The following MYH11 variants were observed in gnomAD, a reference collection of about 807,000 sequenced individuals.
MYH11 encodes the protein myosin-11.
MYH11 carries 80 observed loss-of-function variants against 246.6 expected under a neutral mutation model. That is an observed-to-expected ratio of 0.32 (90% confidence interval 0.27 to 0.39). The LOEUF (loss-of-function observed/expected upper bound fraction) is 0.39. Among genes scored for constraint, MYH11 ranks in the 10% least tolerant of loss-of-function variants. MYH11 has a pLI of 1.00. For missense variants in MYH11, 2,158 were observed against 2,546.8 expected (o/e 0.85, Z 3.29); for synonymous variants, 1,071 against 1,015.5 (o/e 1.05, Z -1.04).
chr16:15,818,455 T>C (rs1039132962), intron 3 of MYH11, among the ~76,000 whole-genome samples: 2 of 152,176 alleles, frequency 1.3e-5, no homozygotes, highest in African/African-American at 4.8e-5. Flanking sequence ...TATTTTGAGA[T>C]GGAGTCTCGC....
chr16:15,717,945 C>G (rs2040252271), intron 37 of MYH11: 1 of 366,380 alleles, frequency 2.7e-6, no homozygotes, highest in Non-Finnish European at 5.2e-6. Context: ...GTCCCTAGTG[C>G]CCACCATGGA....
chr16:15,819,681 T>G (rs1490070444), intron 3 of MYH11, among the ~76,000 whole-genome samples: 1 of 152,178 alleles, frequency 6.6e-6, no homozygotes, highest in African/African-American at 2.4e-5. Flanking sequence ...ATGATTTCAT[T>G]ATATATGACA....
chr16:15,705,626 C>T (rs910552536), intron 40 of MYH11, among the ~76,000 whole-genome samples: 27 of 152,128 alleles, frequency 1.8e-4, no homozygotes, highest in Non-Finnish European at 3.2e-4. Flanking sequence ...TTGCTCCCCA[C>T]GCAAGGGTTG....
At chr16:15,775,016 G>C (rs2042187178) in intron 8 of MYH11, among the ~76,000 whole-genome samples, 1 of 152,052 alleles carries the variant, frequency 6.6e-6, no homozygotes, top group Non-Finnish European at 1.5e-5. Context: ...ACTAACCTTG[G>C]GCCACAAAAG....
intron 1 of MYH11, among the ~76,000 whole-genome samples, chr16:15,845,814 G>A (rs1367654413): frequency 5.3e-5 from 8 of 152,080 alleles, no homozygotes; most frequent in Admixed American, 1.3e-4. Flanking sequence ...CAAGTAGGCC[G>A]AGTGTGATGG....
chr16:15,816,823 G>C (rs1450986476), intron 3 of MYH11, among the ~76,000 whole-genome samples: 1 of 151,270 alleles, frequency 6.6e-6, no homozygotes, highest in African/African-American at 2.4e-5. Context: ...TAAAGGAGTT[G>C]AGAAGTAGCA....
Position 15,747,716 on chromosome 16 carries a change from T to A in MYH11, c.2265A>T (p.Glu755Asp). ...CTATCCTGTATAAGTTGGGGTCAAG[T>A]TCCAGGGCTTTGATCTGCAAAAGGA... Reference protein sequence around the residue: ...QACILMIKALELDPNLYRIGQ... With the variant: ...QACILMIKALDLDPNLYRIGQ... Residue 755 changes from glutamate to aspartate, a missense_variant, in exon 19 of 41, where the codon GAA becomes GAT. Glu to Asp is a conservative substitution (Grantham distance 45). Coordinates refer to ENST00000300036, the MANE Select transcript of MYH11 (RefSeq NM_002474.3). 1 of 1,613,972 alleles carries A rather than the reference T, an allele frequency of 6.2e-7. No homozygotes were observed. The highest frequency in any genetic ancestry group is 8.5e-7 in the Non-Finnish European group (1 of 1,179,970).
At chr16:15,718,069 T>G (rs2040261657) in intron 37 of MYH11, 1 of 597,380 alleles carries the variant, frequency 1.7e-6, no homozygotes, top group Non-Finnish European at 2.9e-6. Context: ...GGCCGTGAGG[T>G]ACGGGGAGCC....
At chr16:15,788,077 C>CTTTTTTTTTTTTTTTTTTTGTTTTT (rs1555569336) in intron 4 of MYH11, among the ~76,000 whole-genome samples, 1 of 55,376 alleles carries the variant, frequency 1.8e-5, no homozygotes, top group African/African-American at 6.2e-5. Flanking sequence ...GAAGGTAGAT[C>CTTTTTTTTTTTTTTTTTTTGTTTTT]TTTTTTTTTT....
chr16:15,803,342 T>C (rs906179557), intron 3 of MYH11, among the ~76,000 whole-genome samples: 1 of 150,852 alleles, frequency 6.6e-6, no homozygotes, highest in Non-Finnish European at 1.5e-5. Context: ...AGTGGCTCGA[T>C]CTTGGCTCAC....
chr16:15,840,710 C>T (rs1362867009), intron 1 of MYH11, among the ~76,000 whole-genome samples: 2 of 152,032 alleles, frequency 1.3e-5, no homozygotes, highest in Non-Finnish European at 2.9e-5. Flanking sequence ...CCAGCCTGGG[C>T]CACAGAGCGA....
chr16:15,838,404 T>TATG (rs2043963932), intron 1 of MYH11, 135 bp from the exon 2 acceptor site: 1 of 730,258 alleles, frequency 1.4e-6, no homozygotes, highest in Admixed American at 2.1e-5. Flanking sequence ...CAGTATTGTG[T>TATG]ATGTGGTCAA....
intron 3 of MYH11, among the ~76,000 whole-genome samples, chr16:15,802,388 G>GA (rs2042908909): frequency 6.6e-6 from 1 of 152,138 alleles, no homozygotes; most frequent in Non-Finnish European, 1.5e-5. Flanking sequence ...AGGTCACTAG[G>GA]GTGGGTTGAA....
At chr16:15,824,389 C>T (rs1342851276) in intron 2 of MYH11, among the ~76,000 whole-genome samples, 2 of 151,738 alleles carry the variant, frequency 1.3e-5, no homozygotes, top group East Asian at 1.9e-4. Context: ...GTGATCCTCT[C>T]GCCTCAGCCT....
chr16:15,788,095 T>TTTTTTTTTTA lies in MYH11; in HGVS notation c.531-1364_531-1363insTAAAAAAAAA, dbSNP rs11273419. On this transcript the variant is annotated intron_variant, in intron 4 of 40. Coordinates refer to ENST00000300036, the MANE Select transcript of MYH11 (RefSeq NM_002474.3). ...GGTAGATCTTTTTTTTTTTTTTTTTTACCAAGATGGCTTTCGTGCACTAGC... is the reference window on the plus strand; with the variant it reads ...GGTAGATCTTTTTTTTTTTTTTTTTTTTTTTTTTTAACCAAGATGGCTTTCGTGCACTAGC... Among the ~76,000 whole-genome samples the TTTTTTTTTTA allele has an allele frequency of 1.0e-3, 102 of 99,472 alleles. 17 individuals are homozygous for TTTTTTTTTTA. The highest frequency in any genetic ancestry group is 1.3e-3 in the Non-Finnish European group (62 of 47,294). The allele number at this position is 99,472 out of a possible 152,430, so 65.3% of individuals were successfully genotyped here. A position where few individuals can be genotyped will look rare whatever the true frequency, so the allele number is the denominator to read the frequency against.
At chr16:15,729,326 G>A (rs1296739477) in intron 27 of MYH11, among the ~76,000 whole-genome samples, 1 of 152,136 alleles carries the variant, frequency 6.6e-6, no homozygotes, top group African/African-American at 2.4e-5. Flanking sequence ...TAGAGGCAAA[G>A]GCCTCTGTTT....
intron 12 of MYH11, 120 bp from the exon 13 acceptor site, chr16:15,758,120 TC>T: frequency 6.9e-7 from 1 of 1,454,444 alleles, no homozygotes; most frequent in Non-Finnish European, 9.6e-7. Context: ...TGTTCTGCCA[TC>T]CCAGCACCCA....
In MYH11 at chr16:15,800,348, G is replaced by A. The variant is rs532681895; in HGVS notation, c.503-1661C>T. On this transcript the variant is annotated intron_variant, in intron 3 of 40. Transcript: ENST00000300036. Reference sequence around the variant, plus strand: ...GATAGATGGACAGGTAGAGAGACAGGAAGACAAATGGATGAGTGGGTGGGT... The same window carrying A: ...GATAGATGGACAGGTAGAGAGACAGAAAGACAAATGGATGAGTGGGTGGGT... Among the ~76,000 whole-genome samples, 6 of 151,002 alleles carry A rather than the reference G, an allele frequency of 4.0e-5. No individual in the cohort carries two copies. In the East Asian group the frequency reaches 7.9e-4, roughly 20 times the overall value.
chr16:15,850,352 T>A (rs1235342760), intron 1 of MYH11, among the ~76,000 whole-genome samples: 2 of 152,084 alleles, frequency 1.3e-5, no homozygotes, highest in African/African-American at 4.8e-5. Flanking sequence ...ATCACTGCAC[T>A]CCAGCCTGGG....
Sources: gnomAD v4.1 joint callset for allele counts (sites outside exome capture counted in the v4.1 genomes callset) on GRCh38, gnomAD v4.1.1 for gene constraint, MANE v1.5 for transcripts, NCBI Gene and HGNC (gene_info 2026-07-23, HGNC 2026-07-21) for gene names.